The following MCTP1 variants were observed in gnomAD, a reference collection of about 807,000 sequenced individuals.
MCTP1 encodes the protein multiple C2 and transmembrane domain-containing protein 1.
MCTP1 carries 69 observed loss-of-function variants against 120.6 expected under a neutral mutation model. That is an observed-to-expected ratio of 0.57 (90% CI 0.47 to 0.70). The LOEUF (loss-of-function observed/expected upper bound fraction) is 0.70. Ranked by LOEUF, MCTP1 falls within the 30% of genes least tolerant of loss-of-function variation. The pLI is 0.00. For missense variants in MCTP1, 1,203 were observed against 1,248.8 expected (o/e 0.96, Z 0.55); for synonymous variants, 529 against 493.1 (o/e 1.07, Z -0.96).
At chr5:94,754,686 C>CT (rs1219759703) in intron 19 of MCTP1, among the ~76,000 whole-genome samples, 4 of 115,794 alleles carry the variant, frequency 3.5e-5, no homozygotes, top group South Asian at 3.3e-4. Context: ...AAAGCATATC[C>CT]TTTTTTTATT....
intron 2 of MCTP1, among the ~76,000 whole-genome samples, chr5:95,007,646 A>C (rs1835029185): frequency 6.6e-6 from 1 of 152,162 alleles, no homozygotes; most frequent in Non-Finnish European, 1.5e-5. Flanking sequence ...CTTTTTTAAA[A>C]ATGTCCTACA....
At chr5:95,074,593 T>C (rs1362075581) in intron 1 of MCTP1, among the ~76,000 whole-genome samples, 1 of 152,192 alleles carries the variant, frequency 6.6e-6, no homozygotes, top group Non-Finnish European at 1.5e-5. Flanking sequence ...GTATAACCAA[T>C]CTTAGGTGTG....
chr5:94,768,848 T>C (rs1242193479), intron 19 of MCTP1, among the ~76,000 whole-genome samples: 1 of 152,092 alleles, frequency 6.6e-6, no homozygotes, highest in Admixed American at 6.6e-5. Context: ...AAACTTAAAA[T>C]AGAACTAGCA....
Position 95,284,198 on chromosome 5 carries a change from G to A in MCTP1, c.378C>T (p.Arg126=), listed in dbSNP as rs1760565351. 6.5e-7 allele frequency: 1 copy of A among 1,547,782 alleles called. No homozygotes were observed. Residue 126 remains arginine (R), a synonymous_variant, in exon 1 of 23, where the codon CGC becomes CGT. Transcript: ENST00000515393. This position sits in a 1 kb window ranked among gnomAD's most constrained non-coding sequence, Gnocchi z 5.2. Reference sequence around the variant, plus strand: ...CCTTTACGGCGGGGAGCAAATGCTCGCGGATCCGGCGGCGTAGCGTGGACC... The same window carrying A: ...CCTTTACGGCGGGGAGCAAATGCTCACGGATCCGGCGGCGTAGCGTGGACC... ...EQGSTLRRRI[R]EHLLPAVKGP... is the part of the protein sequence containing the mutation.
intron 1 of MCTP1, among the ~76,000 whole-genome samples, chr5:95,031,316 C>A (rs1035038868): frequency 6.6e-6 from 1 of 151,886 alleles, no homozygotes; most frequent in East Asian, 1.9e-4. Context: ...TAACCACCCC[C>A]AAGACATAGA....
chr5:95,128,651 T>C (rs918345893), intron 1 of MCTP1, among the ~76,000 whole-genome samples: 2 of 152,164 alleles, frequency 1.3e-5, no homozygotes, highest in African/African-American at 4.8e-5. Flanking sequence ...GGATTAGTGG[T>C]TGCTTAGGAC....
At chr5:95,050,104 C>T (rs1002462110) in intron 1 of MCTP1, among the ~76,000 whole-genome samples, 1 of 151,432 alleles carries the variant, frequency 6.6e-6, no homozygotes, top group South Asian at 2.1e-4. Context: ...GGAAACATGT[C>T]CCATAGCTTA....
chr5:94,869,074 C>T (rs1797360264), intron 16 of MCTP1, among the ~76,000 whole-genome samples: 1 of 151,716 alleles, frequency 6.6e-6, no homozygotes, highest in African/African-American at 2.4e-5. Flanking sequence ...TATATGGTAA[C>T]CGAGTGCTTT....
rs61185942 is a variant in MCTP1, at chr5:95,284,600, CCCT to C, written c.-28_-26del. On this transcript the variant is annotated 5_prime_UTR_variant, in exon 1 of 23. Transcript: ENST00000515393. The surrounding 1 kb of genome is among the most constrained non-coding windows in gnomAD (Gnocchi z 5.2). ...TCCTCCACCCCCTGCTCCTCCTCTC[CCCT>C]CCTCCTCCTCCTCCTCCTCCTGCTT... The C allele has an allele frequency of 0.033, 44,201 of 1,325,690 alleles. 1,119 individuals carry two copies. Among genetic ancestry groups the C allele is most frequent in the African/African-American group, 0.16 (10,305 of 63,134 alleles). The allele number at this position is 1,325,690 out of a possible 1,614,324, so 82.1% of individuals were successfully genotyped here.
At chr5:94,745,955 T>C (rs934653272) in intron 19 of MCTP1, among the ~76,000 whole-genome samples, 55 of 152,204 alleles carry the variant, frequency 3.6e-4, no homozygotes, top group African/African-American at 1.3e-3. Context: ...TTAATATGGC[T>C]GCCCCAGCTG....
intron 10 of MCTP1, among the ~76,000 whole-genome samples, chr5:94,904,456 T>C (rs1027510931): frequency 6.6e-6 from 1 of 152,220 alleles, no homozygotes; most frequent in Non-Finnish European, 1.5e-5. Context: ...TTTCCATTTA[T>C]GGTAAATTTA....
At chr5:94,878,522 A>G (rs1241605594) in intron 12 of MCTP1, among the ~76,000 whole-genome samples, 2 of 151,976 alleles carry the variant, frequency 1.3e-5, no homozygotes, top group African/African-American at 2.4e-5. Context: ...TTTTTTTCAT[A>G]TTGAAGATTT....
chr5:94,926,804 G>A (rs1813246999), intron 6 of MCTP1, among the ~76,000 whole-genome samples: 1 of 152,186 alleles, frequency 6.6e-6, no homozygotes, highest in East Asian at 1.9e-4. Context: ...AGAATCCTAA[G>A]AAACTGGCCG....
intron 1 of MCTP1, among the ~76,000 whole-genome samples, chr5:95,162,488 A>G (rs1745853863): frequency 6.6e-6 from 1 of 152,160 alleles, no homozygotes; most frequent in Admixed American, 6.5e-5. Context: ...TGTGAAGCAA[A>G]CAGTGAAGTT....
chr5:94,842,705 A>G (rs2153205205), intron 17 of MCTP1, among the ~76,000 whole-genome samples: 1 of 152,358 alleles, frequency 6.6e-6, no homozygotes, highest in South Asian at 2.1e-4. Context: ...CAATATATCT[A>G]CTAATCATGA....
intron 1 of MCTP1, among the ~76,000 whole-genome samples, chr5:95,047,766 C>T (rs1446553288): frequency 6.6e-6 from 1 of 152,046 alleles, no homozygotes; most frequent in Non-Finnish European, 1.5e-5. Context: ...ATCTCTTCTT[C>T]CCCTTTCTCC....
rs541132994 is a variant in MCTP1 at position 94,822,147 on chromosome 5, G to C, written c.2437-23015C>G. ...ACATAGGTATACATGTTCCATAGCG[G>C]TTTGCTCCACCCATCAACCCATCAT... is the stretch of plus-strand genomic sequence containing the variant. On this transcript the variant is annotated intron_variant, in intron 17 of 22. Transcript: ENST00000515393. Among the ~76,000 whole-genome samples the C allele has an allele frequency of 2.4e-4, 36 of 152,190 alleles. 1 individual carries two copies. The South Asian group carries it at 7.1e-3, about 30-fold the overall frequency.
intron 1 of MCTP1, chr5:95,024,045 C>G (rs753048636): frequency 4.5e-6 from 2 of 441,766 alleles, no homozygotes; most frequent in African/African-American, 4.1e-5. Flanking sequence ...TCCTAATCTA[C>G]GGATGGTCTT....
intron 19 of MCTP1, among the ~76,000 whole-genome samples, chr5:94,775,966 TA>T (rs1561615620): frequency 8.4e-5 from 9 of 106,852 alleles, no homozygotes; most frequent in African/African-American, 3.7e-4. Flanking sequence ...ATATTTATAT[TA>T]TATATATATA....
Sources: allele counts gnomAD v4.1 joint callset (sites outside exome capture counted in the v4.1 genomes callset), GRCh38; gene constraint gnomAD v4.1.1; non-coding constraint Gnocchi (gnomAD v3.1); transcripts MANE v1.5; gene names NCBI Gene and HGNC (gene_info 2026-07-23, HGNC 2026-07-21).